Variants in MEGF11 observed in about 807,000 individuals in gnomAD.
MEGF11 encodes the protein multiple epidermal growth factor-like domains protein 11.
MEGF11 carries 126 observed loss-of-function variants against 146.6 expected under a neutral mutation model. The observed-to-expected ratio is 0.86, with a 90% CI of 0.74 to 1.00. The LOEUF is 1.00. Among genes scored for constraint, MEGF11 ranks in the 50% least tolerant of loss-of-function variants. The probability of loss-of-function intolerance (pLI) is 0.00; values close to 1 mark genes in which losing one functional copy is unlikely to be tolerated. For synonymous variants in MEGF11, 532 were observed against 583.4 expected (o/e 0.91, Z 1.27); for missense variants, 1,509 against 1,521.2 (o/e 0.99, Z 0.13).
At chr15:66,208,081 C>A (rs2091347408) in intron 1 of MEGF11, among the ~76,000 whole-genome samples, 1 of 146,842 alleles carries the variant, frequency 6.8e-6, no homozygotes, top group Non-Finnish European at 1.5e-5. Flanking sequence ...TGAGACTGTG[C>A]CTCAGAAAAA....
At chr15:66,022,172 T>A (rs1215912812) in intron 5 of MEGF11, among the ~76,000 whole-genome samples, 1 of 152,228 alleles carries the variant, frequency 6.6e-6, no homozygotes, top group Admixed American at 6.5e-5. Context: ...GGCTCCTTCC[T>A]GCAGACAGAG....
chr15:66,228,657 AG>A (rs1208895590), intron 1 of MEGF11, among the ~76,000 whole-genome samples: 1 of 152,164 alleles, frequency 6.6e-6, no homozygotes, highest in African/African-American at 2.4e-5. Context: ...AAGCCAGCAG[AG>A]GGGTTGGGAC....
At chr15:66,096,767 G>A (rs755808016) in intron 4 of MEGF11, among the ~76,000 whole-genome samples, 2 of 152,148 alleles carry the variant, frequency 1.3e-5, no homozygotes, top group Non-Finnish European at 2.9e-5. Context: ...CCCTGCTCCC[G>A]ATCCTAGAGA....
intron 4 of MEGF11, among the ~76,000 whole-genome samples, chr15:66,100,346 G>T (rs1014144471): frequency 6.6e-6 from 1 of 152,208 alleles, no homozygotes; most frequent in Admixed American, 6.5e-5. Context: ...CTGGAGTGCC[G>T]CAGGGAGAAT....
chr15:66,246,295 G>A (rs1455884843), intron 1 of MEGF11, among the ~76,000 whole-genome samples: 1 of 152,072 alleles, frequency 6.6e-6, no homozygotes, highest in Non-Finnish European at 1.5e-5. Flanking sequence ...AAAAAAGCAA[G>A]TCGATGCTTG....
intron 24 of MEGF11, among the ~76,000 whole-genome samples, chr15:65,903,378 G>T (rs1319153029): frequency 6.6e-6 from 1 of 152,224 alleles, no homozygotes; most frequent in East Asian, 1.9e-4. Context: ...AAATAGAAGG[G>T]TGTTGAGCAG....
chr15:66,020,202 A>C (rs996965944), intron 5 of MEGF11, among the ~76,000 whole-genome samples: 2 of 152,214 alleles, frequency 1.3e-5, no homozygotes, highest in Non-Finnish European at 2.9e-5. Flanking sequence ...CATGTGACCC[A>C]ATCTGGCCAA....
At position 65,982,576 on chromosome 15, in the gene MEGF11, C is replaced by T. The variant is rs2081693813; in HGVS notation, c.395-88G>A. 2.9e-6 allele frequency: 4 copies of T among 1,386,110 alleles called. No individual in the cohort carries two copies. Among genetic ancestry groups the T allele is most frequent in the Middle Eastern group, 2.6e-4 (1 of 3,840 alleles). The allele number at this position is 1,386,110 out of a possible 1,614,324, so 85.9% of individuals were successfully genotyped here. A position where few individuals can be genotyped will look rare whatever the true frequency, so the allele number is the denominator to read the frequency against. On this transcript the variant is annotated intron_variant, in intron 5 of 25. Transcript: ENST00000395614. The surrounding 1 kb of genome is among the most constrained non-coding windows in gnomAD (Gnocchi z 5.6). ...GGAACCGATGCCCATGCGGCCTTCC[C>T]ATCTTTGCAGCGCTGCTCCCCGGAC...
intron 5 of MEGF11, among the ~76,000 whole-genome samples, chr15:65,994,316 C>T (rs1252218229): frequency 2.0e-5 from 3 of 152,198 alleles, no homozygotes; most frequent in African/African-American, 7.2e-5. Context: ...CAGACTGGTA[C>T]TGTTCCTAAG....
intron 7 of MEGF11, among the ~76,000 whole-genome samples, chr15:65,972,728 G>C (rs2081333120): frequency 6.6e-6 from 1 of 152,126 alleles, no homozygotes; most frequent in African/African-American, 2.4e-5. Context: ...TCAAGTAGGG[G>C]ACTCAGTAAA....
intron 1 of MEGF11, among the ~76,000 whole-genome samples, chr15:66,179,443 G>A (rs1310459516): frequency 6.6e-6 from 1 of 152,150 alleles, no homozygotes; most frequent in Non-Finnish European, 1.5e-5. Context: ...GGAGGTTGGT[G>A]ATTCTGGAAC....
intron 8 of MEGF11, 61 bp downstream of exon 8, chr15:65,970,492 C>T: frequency 6.4e-7 from 1 of 1,562,958 alleles, no homozygotes; most frequent in Non-Finnish European, 8.7e-7. Flanking sequence ...CTGTTCTCTG[C>T]AAGTCTCCTA....
chr15:66,194,309 C>A, intron 1 of MEGF11, among the ~76,000 whole-genome samples: 1 of 152,148 alleles, frequency 6.6e-6, no homozygotes, highest in African/African-American at 2.4e-5. Flanking sequence ...GACACAAAGG[C>A]ATAAGAATGA....
At chr15:66,117,015 A>C (rs1241093981) in intron 4 of MEGF11, among the ~76,000 whole-genome samples, 1 of 152,164 alleles carries the variant, frequency 6.6e-6, no homozygotes, top group Non-Finnish European at 1.5e-5. Context: ...AAATTACAGA[A>C]GCTCTATGAC....
chr15:66,208,707 C>G (rs1179229176), intron 1 of MEGF11, among the ~76,000 whole-genome samples: 2 of 151,938 alleles, frequency 1.3e-5, no homozygotes, highest in Non-Finnish European at 2.9e-5. Flanking sequence ...CATGGCGAAA[C>G]CCCGTCTCTA....
At chr15:66,180,366 C>A (rs777208653) in intron 1 of MEGF11, among the ~76,000 whole-genome samples, 4 of 152,136 alleles carry the variant, frequency 2.6e-5, no homozygotes, top group Non-Finnish European at 2.9e-5. Context: ...AACCAAAGAC[C>A]CTCCACGTCC....
chr15:65,906,213 TC>T (rs984476158), intron 23 of MEGF11, 72 bp from the exon 24 acceptor site: 3 of 1,174,996 alleles, frequency 2.6e-6, no homozygotes, highest in South Asian at 1.4e-5. Context: ...TGTTCTTCTT[TC>T]TTTTCTTGCT....
At chr15:66,001,932 C>G (rs769411836) in intron 5 of MEGF11, among the ~76,000 whole-genome samples, 84 of 152,302 alleles carry the variant, frequency 5.5e-4, no homozygotes, top group Non-Finnish European at 5.6e-4. Flanking sequence ...GCTGAGAGCT[C>G]TGCGGTCCTC....
At chr15:66,093,129 A>C (rs1160573407) in intron 5 of MEGF11, among the ~76,000 whole-genome samples, 1 of 152,156 alleles carries the variant, frequency 6.6e-6, no homozygotes, top group Non-Finnish European at 1.5e-5. Context: ...CACTGTGGTC[A>C]CTGGAGGTCC....
Sources: allele counts gnomAD v4.1 joint callset (sites outside exome capture counted in the v4.1 genomes callset), GRCh38; gene constraint gnomAD v4.1.1; non-coding constraint Gnocchi (gnomAD v3.1); transcripts MANE v1.5; gene names NCBI Gene and HGNC (gene_info 2026-07-23, HGNC 2026-07-21).